Variants in TEX48 observed in about 807,000 individuals in gnomAD.
The protein encoded by TEX48 is testis expressed 48.
TEX48 carries 10 observed loss-of-function variants against 13.2 expected under a neutral mutation model. The observed-to-expected ratio is 0.75, with a 90% CI of 0.47 to 1.28. The LOEUF is 1.28. Ranked by LOEUF, TEX48 falls within the 50% of genes most tolerant of loss-of-function variation. TEX48 has a pLI of 0.00. For synonymous variants in TEX48, 45 were observed against 52.3 expected (o/e 0.86, Z 0.60); for missense variants, 116 against 139.4 (o/e 0.83, Z 0.84).
intron 4 of TEX48, among the ~76,000 whole-genome samples, chr9:114,667,956 G>T (rs1589375063): frequency 1.4e-5 from 2 of 144,342 alleles, no homozygotes; most frequent in East Asian, 2.0e-4. Flanking sequence ...TGAAAGGAAA[G>T]CATGGATGTT....
chr9:114,678,132 G>C (rs966860538), intron 1 of TEX48, among the ~76,000 whole-genome samples: 2 of 152,054 alleles, frequency 1.3e-5, no homozygotes, highest in Non-Finnish European at 2.9e-5. Context: ...TAAATAGAAG[G>C]CTTCTTTGTC....
intron 1 of TEX48, among the ~76,000 whole-genome samples, chr9:114,679,549 A>G (rs906865092): frequency 6.6e-6 from 1 of 152,184 alleles, no homozygotes; most frequent in African/African-American, 2.4e-5. Context: ...ATGAACAGCT[A>G]TACTGCTTGC....
chr9:114,666,656 G>C lies in TEX48; in HGVS notation c.350C>G (p.Thr117Ser). 6.5e-7 allele frequency: 1 copy of C among 1,531,362 alleles called. No individual in the cohort carries two copies. Among genetic ancestry groups the C allele is most frequent in the Non-Finnish European group, 8.7e-7 (1 of 1,144,218 alleles). The allele number at this position is 1,531,362 out of a possible 1,614,324, so 94.9% of individuals were successfully genotyped here. ...QEHWPFQPCLTGRP is the reference protein window; with the variant it reads ...QEHWPFQPCLSGRP Reference sequence around the variant, plus strand: ...CGGCTAGAATGCTCAGGGCCTCCCAGTGAGGCATGGCTGGAATGGCCAGTG... The same window carrying C: ...CGGCTAGAATGCTCAGGGCCTCCCACTGAGGCATGGCTGGAATGGCCAGTG... The change falls in exon 5 of 5, where the codon ACT becomes AGT. Residue 117 changes from threonine to serine, a missense_variant. Coordinates refer to ENST00000436752, the MANE Select transcript of TEX48 (RefSeq NM_001199233.2).
At chr9:114,668,570 G>A (rs1827884276) in intron 3 of TEX48, among the ~76,000 whole-genome samples, 1 of 152,092 alleles carries the variant, frequency 6.6e-6, no homozygotes, top group Non-Finnish European at 1.5e-5. Context: ...GTATTTATGG[G>A]CTACATATGA....
intron 1 of TEX48, 75 bp from the exon 2 acceptor site, chr9:114,671,902 A>G (rs1827956481): frequency 3.0e-6 from 2 of 663,958 alleles, no homozygotes; most frequent in Non-Finnish European, 5.2e-6. Context: ...GGATCTAATG[A>G]CAGCAAAATC....
At chr9:114,669,763 A>G (rs1460195070) in intron 3 of TEX48, among the ~76,000 whole-genome samples, 1 of 151,196 alleles carries the variant, frequency 6.6e-6, no homozygotes, top group Non-Finnish European at 1.5e-5. Context: ...TATTATTTGT[A>G]GAGGTGGGAT....
Position 114,678,023 on chromosome 9 carries a change from A to G in TEX48, c.-105+4012T>C, listed in dbSNP as rs376842014. Among the ~76,000 whole-genome samples, 11 of 152,298 alleles carry G rather than the reference A, an allele frequency of 7.2e-5. No individual in the cohort carries two copies. The East Asian group carries it at 1.2e-3, about 16-fold the overall frequency. On this transcript the variant is annotated intron_variant, in intron 1 of 4. Coordinates refer to ENST00000436752, the MANE Select transcript of TEX48 (RefSeq NM_001199233.2). ...TTAATAAATGGCAAAAGTTCACTAG[A>G]TGACTTAGGATTACTGTAGCCATGA...
At chr9:114,674,690 ACT>A (rs1828029546) in intron 1 of TEX48, among the ~76,000 whole-genome samples, 1 of 106,536 alleles carries the variant, frequency 9.4e-6, no homozygotes, top group Non-Finnish European at 1.8e-5. Flanking sequence ...TCTTGCTCTC[ACT>A]CTCTTTCTTG....
intron 1 of TEX48, among the ~76,000 whole-genome samples, chr9:114,674,530 C>A (rs1003113941): frequency 6.7e-6 from 1 of 150,286 alleles, no homozygotes; most frequent in African/African-American, 2.5e-5. Context: ...TTTTCTCTTT[C>A]TTTTTTCTTC....
chr9:114,667,059 G>A (rs1383575207), intron 4 of TEX48, among the ~76,000 whole-genome samples: 1 of 152,202 alleles, frequency 6.6e-6, no homozygotes, highest in Admixed American at 6.5e-5. Context: ...TGCACTCGTG[G>A]GAAGTCCCTT....
chr9:114,671,608 C>G, intron 2 of TEX48, 103 bp from the exon 3 acceptor site: 4 of 1,523,154 alleles, frequency 2.6e-6, no homozygotes, highest in Non-Finnish European at 2.6e-6. Context: ...CAGCCTCTCC[C>G]AAGGCATTAA....
intron 1 of TEX48, among the ~76,000 whole-genome samples, chr9:114,680,120 C>CTTTTTTTTTTTT (rs2079145442): frequency 0.013 from 659 of 51,930 alleles, 28 homozygotes; most frequent in Non-Finnish European, 0.017. Flanking sequence ...TGTCATTGTC[C>CTTTTTTTTTTTT]CTTTTTTTTT....
intron 1 of TEX48, among the ~76,000 whole-genome samples, chr9:114,678,014 G>T (rs1187212471): frequency 1.3e-5 from 2 of 152,060 alleles, no homozygotes; most frequent in Non-Finnish European, 2.9e-5. Flanking sequence ...AATGGCAAAA[G>T]TTCACTAGAT....
intron 1 of TEX48, among the ~76,000 whole-genome samples, chr9:114,679,399 G>A (rs1286166562): frequency 6.6e-6 from 1 of 151,676 alleles, no homozygotes; most frequent in African/African-American, 2.4e-5. Flanking sequence ...TATGCAGAAA[G>A]GCCATTAGAA....
intron 1 of TEX48, among the ~76,000 whole-genome samples, chr9:114,674,132 C>T (rs962189205): frequency 3.3e-5 from 5 of 152,034 alleles, no homozygotes; most frequent in Admixed American, 2.0e-4. Flanking sequence ...TTTCTTTTCT[C>T]CAAAATTCAG....
chr9:114,680,195 T>G (rs1210840254), intron 1 of TEX48, among the ~76,000 whole-genome samples: 1 of 144,328 alleles, frequency 6.9e-6, no homozygotes, highest in Admixed American at 7.3e-5. Flanking sequence ...TGGTGCGATC[T>G]CGGGTCACTG....
intron 3 of TEX48, among the ~76,000 whole-genome samples, chr9:114,670,687 G>C (rs373593217): frequency 3.3e-5 from 5 of 152,088 alleles, no homozygotes; most frequent in African/African-American, 1.2e-4. Context: ...TTAAAGGGGG[G>C]TGGCTGGTTT....
Position 114,671,786 on chromosome 9 carries a change from C to G in TEX48, c.-63G>C, listed in dbSNP as rs1827953546. ...TGCAGGGGTGCCTTGTTGAATCAGC[C>G]AGTCTTGAGTTTGAGCCCAGTTCAC... On this transcript the variant is annotated 5_prime_UTR_variant, in exon 2 of 5. Coordinates refer to ENST00000436752, the MANE Select transcript of TEX48 (RefSeq NM_001199233.2). The G allele has an allele frequency of 9.8e-6, 15 of 1,529,336 alleles. No homozygotes were observed. Among genetic ancestry groups the G allele is most frequent in the Admixed American group, 2.0e-5 (1 of 50,962 alleles). 94.7% of individuals were successfully genotyped at this position (1,529,336 alleles called of 1,614,324 possible). A position where few individuals can be genotyped will look rare whatever the true frequency, so the allele number is the denominator to read the frequency against.
At chr9:114,671,005 C>G (rs1827935407) in intron 3 of TEX48, among the ~76,000 whole-genome samples, 1 of 152,156 alleles carries the variant, frequency 6.6e-6, no homozygotes, top group Non-Finnish European at 1.5e-5. Context: ...GCCCCCAAAA[C>G]AGGGATCTTA....
Sources: allele counts gnomAD v4.1 joint callset (sites outside exome capture counted in the v4.1 genomes callset), GRCh38; gene constraint gnomAD v4.1.1; transcripts MANE v1.5; gene names NCBI Gene and HGNC (gene_info 2026-07-23, HGNC 2026-07-21).